CGGBP1: variants seen among roughly 807,000 people sequenced by gnomAD.
CGGBP1 encodes the protein CGG triplet repeat binding protein 1.
A neutral mutation model predicts 11.4 loss-of-function variants in CGGBP1; 4 were observed. The ratio of observed to expected loss-of-function variants is 0.35; its 90% CI spans 0.17 to 0.80. CGGBP1 has a LOEUF of 0.80. Among genes scored for constraint, CGGBP1 ranks in the 30% least tolerant of loss-of-function variants. The probability of loss-of-function intolerance (pLI) is 0.52; values close to 1 mark genes in which losing one functional copy is unlikely to be tolerated. For synonymous variants in CGGBP1, 76 were observed against 74.1 expected (o/e 1.03, Z -0.13); for missense variants, 135 against 202.1 (o/e 0.67, Z 2.01).
At chr3:88,099,049 C>T (rs1204647954) in intron 2 of CGGBP1, among the ~76,000 whole-genome samples, 1 of 152,272 alleles carries the variant, frequency 6.6e-6, no homozygotes, top group East Asian at 1.9e-4. Flanking sequence ...CAAATTGTCC[C>T]TGTTTGCAGA....
chr3:88,146,671 C>T (rs927237615), intron 1 of CGGBP1, among the ~76,000 whole-genome samples: 1 of 152,054 alleles, frequency 6.6e-6, no homozygotes, highest in African/African-American at 2.4e-5. Context: ...ATATTTAAAC[C>T]CCGCACCTAC....
chr3:88,070,435 T>C (rs1672822950), intron 2 of CGGBP1, among the ~76,000 whole-genome samples: 1 of 152,172 alleles, frequency 6.6e-6, no homozygotes, highest in Non-Finnish European at 1.5e-5. Context: ...ATTTCTTTTT[T>C]TTTTTAATCA....
At chr3:88,133,728 A>G (rs1349360246) in intron 2 of CGGBP1, among the ~76,000 whole-genome samples, 1 of 152,146 alleles carries the variant, frequency 6.6e-6, no homozygotes, top group Non-Finnish European at 1.5e-5. Flanking sequence ...TAAGCACTAA[A>G]TGAAATATGA....
At chr3:88,089,258 G>C (rs867438280) in intron 2 of CGGBP1, among the ~76,000 whole-genome samples, 1 of 148,856 alleles carries the variant, frequency 6.7e-6, no homozygotes, top group South Asian at 2.1e-4. Context: ...TTGGGAGGCC[G>C]AGGCGGGTGG....
At chr3:88,073,080 A>G (rs1460108553) in intron 2 of CGGBP1, among the ~76,000 whole-genome samples, 2 of 152,210 alleles carry the variant, frequency 1.3e-5, no homozygotes, top group African/African-American at 4.8e-5. Flanking sequence ...CACATTTATG[A>G]ATGGCAGTAG....
intron 3 of CGGBP1, 149 bp from the exon 4 acceptor site, chr3:88,056,148 C>T: frequency 1.7e-6 from 1 of 588,030 alleles, no homozygotes; most frequent in Non-Finnish European, 2.8e-6. Flanking sequence ...TCTTAACTTA[C>T]CTGAAATATA....
chr3:88,070,190 T>C (rs1331916769), intron 2 of CGGBP1, among the ~76,000 whole-genome samples: 1 of 152,206 alleles, frequency 6.6e-6, no homozygotes, highest in Admixed American at 6.5e-5. Context: ...ATTTTTCTTA[T>C]AGCATTCACT....
chr3:88,140,429 G>A, intron 2 of CGGBP1: 1 of 1,613,460 alleles, frequency 6.2e-7, no homozygotes, highest in Non-Finnish European at 8.5e-7. Context: ...CAAGGAAAGA[G>A]TCTACAGAAC....
chr3:88,069,921 T>G (rs548571112), intron 2 of CGGBP1, among the ~76,000 whole-genome samples: 1 of 152,378 alleles, frequency 6.6e-6, no homozygotes, highest in African/African-American at 2.4e-5. Context: ...AGATTTAACC[T>G]TGAATATCTG....
chr3:88,090,011 C>G (rs1483059762), intron 2 of CGGBP1, among the ~76,000 whole-genome samples: 1 of 152,106 alleles, frequency 6.6e-6, no homozygotes, highest in Non-Finnish European at 1.5e-5. Flanking sequence ...GTAAACAAAC[C>G]TACGGCTCTG....
chr3:88,055,272 G>T lies in CGGBP1; in HGVS notation c.*201C>A. On this transcript the variant is annotated 3_prime_UTR_variant, in exon 4 of 4. Coordinates refer to ENST00000482016, the MANE Select transcript of CGGBP1 (RefSeq NM_001008390.2). The surrounding 1 kb of genome is among the most constrained non-coding windows in gnomAD (Gnocchi z 4.2). Reference sequence around the variant, plus strand: ...CTAGCACACTCTAAACCTAGGTTTTGCTTTATACCATTGGTGACTAAAATT... The same window carrying T: ...CTAGCACACTCTAAACCTAGGTTTTTCTTTATACCATTGGTGACTAAAATT... The T allele has an allele frequency of 4.4e-6, 2 of 453,262 alleles. No individual in the cohort carries two copies. Among genetic ancestry groups the T allele is most frequent in the Non-Finnish European group, 7.7e-6 (2 of 261,122 alleles). 28.1% of individuals were successfully genotyped at this position (453,262 alleles called of 1,614,324 possible). A position where few individuals can be genotyped will look rare whatever the true frequency, so the allele number is the denominator to read the frequency against.
chr3:88,067,336 T>C (rs148605200), intron 2 of CGGBP1, among the ~76,000 whole-genome samples: 1 of 152,356 alleles, frequency 6.6e-6, no homozygotes, highest in Admixed American at 6.5e-5. Flanking sequence ...TAAGGTGCTT[T>C]TGCCTCATCC....
At chr3:88,066,664 T>C (rs1174205834) in intron 2 of CGGBP1, among the ~76,000 whole-genome samples, 3 of 152,110 alleles carry the variant, frequency 2.0e-5, no homozygotes, top group African/African-American at 4.8e-5. Flanking sequence ...TGCTTTTAAG[T>C]TTTTTAGTTA....
At chr3:88,092,342 A>G (rs1312880479) in intron 2 of CGGBP1, among the ~76,000 whole-genome samples, 3 of 152,208 alleles carry the variant, frequency 2.0e-5, no homozygotes, top group Non-Finnish European at 2.9e-5. Context: ...GTTCTCCAAG[A>G]TGTTACAGAG....
upstream of CGGBP1, among the ~76,000 whole-genome samples, chr3:88,061,152 T>G (rs1403890237): frequency 6.6e-6 from 1 of 152,162 alleles, no homozygotes; most frequent in Non-Finnish European, 1.5e-5. Context: ...AGATTTTGTA[T>G]CTATAGGAAT....
intron 2 of CGGBP1, among the ~76,000 whole-genome samples, chr3:88,113,786 G>C (rs1705233126): frequency 6.8e-6 from 1 of 147,500 alleles, no homozygotes. Flanking sequence ...AAGTGTCCCT[G>C]ATCACCCATT....
At chr3:88,145,606 T>G (rs1459070921) in intron 1 of CGGBP1, among the ~76,000 whole-genome samples, 1 of 152,128 alleles carries the variant, frequency 6.6e-6, no homozygotes, top group Non-Finnish European at 1.5e-5. Context: ...ATAACCAAAT[T>G]AAGCTGATTT....
At chr3:88,145,344 G>T (rs575593793) in intron 1 of CGGBP1, among the ~76,000 whole-genome samples, 1 of 152,060 alleles carries the variant, frequency 6.6e-6, no homozygotes, top group African/African-American at 2.4e-5. Flanking sequence ...GGGATAAAAT[G>T]ATTTGTGCAT....
intron 2 of CGGBP1, among the ~76,000 whole-genome samples, chr3:88,101,318 T>C (rs1407246072): frequency 6.6e-6 from 1 of 152,218 alleles, no homozygotes; most frequent in African/African-American, 2.4e-5. Flanking sequence ...ACTGCTCTGC[T>C]TTCTATCTCT....
Sources: gnomAD v4.1 joint callset for allele counts (sites outside exome capture counted in the v4.1 genomes callset) on GRCh38, gnomAD v4.1.1 for gene constraint, Gnocchi (gnomAD v3.1) non-coding constraint, MANE v1.5 for transcripts, NCBI Gene and HGNC (gene_info 2026-07-23, HGNC 2026-07-21) for gene names.